Variants in LIPI observed in about 807,000 individuals in gnomAD.
LIPI encodes the protein lipase I.
Under a neutral mutation model 50.6 loss-of-function variants are expected in LIPI, and 59 were observed. The observed-to-expected ratio is 1.16, with a 90% CI of 0.94 to 1.45. The LOEUF is 1.45. LIPI is among the 40% of genes most tolerant of loss of function. The pLI, the probability that LIPI is intolerant of heterozygous loss-of-function variation, is 0.00. For synonymous variants in LIPI, 203 were observed against 178.2 expected (o/e 1.14, Z -1.11); for missense variants, 586 against 536.3 (o/e 1.09, Z -0.92).
At chr21:14,195,583 G>A (rs1180220956) in intron 1 of LIPI, among the ~76,000 whole-genome samples, 1 of 152,070 alleles carries the variant, frequency 6.6e-6, no homozygotes, top group African/African-American at 2.4e-5. Context: ...TAACAATCTT[G>A]GCATAGGCAA....
intron 4 of LIPI, among the ~76,000 whole-genome samples, chr21:14,176,482 A>G (rs974590391): frequency 4.6e-5 from 7 of 151,954 alleles, no homozygotes; most frequent in Non-Finnish European, 4.4e-5. Context: ...AAAAGGTTTA[A>G]TATGCAATAA....
At chr21:14,152,526 A>G in intron 8 of LIPI, 47 bp downstream of exon 8, 1 of 930,426 alleles carries the variant, frequency 1.1e-6, no homozygotes, top group East Asian at 2.5e-5. Flanking sequence ...TACTGAAGAA[A>G]GCAAACATTG....
rs145123691 is a variant in LIPI, at chr21:14,187,664, TGGA to T, written c.432+1367_432+1369del. ...AATGATGTAATTAATAGTCTGTTGG[TGGA>T]GATGGTTGAATCAATTACCTCCTCT... On this transcript the variant is annotated intron_variant, in intron 2 of 9. Coordinates refer to ENST00000681601, the MANE Select transcript of LIPI (RefSeq NM_001302998.2). Among the ~76,000 whole-genome samples, 697 of 152,266 alleles carry T rather than the reference TGGA, an allele frequency of 4.6e-3. 8 individuals carry two copies. Among genetic ancestry groups the T allele is most frequent in the African/African-American group, 0.013 (533 of 41,554 alleles).
At chr21:14,167,850 A>G (rs1164418365) in intron 4 of LIPI, among the ~76,000 whole-genome samples, 3 of 152,242 alleles carry the variant, frequency 2.0e-5, no homozygotes, top group African/African-American at 4.8e-5. Context: ...CAACAATGGA[A>G]CAAAGCTGGC....
intron 1 of LIPI, among the ~76,000 whole-genome samples, chr21:14,208,511 G>T (rs1319075173): frequency 1.3e-5 from 2 of 152,150 alleles, no homozygotes; most frequent in Non-Finnish European, 2.9e-5. Flanking sequence ...GGCAAGCTAA[G>T]AATGTTTTTT....
chr21:14,118,913 T>C lies in LIPI; in HGVS notation c.1296-9833A>G, dbSNP rs541666171. 2.1e-3 allele frequency among the ~76,000 whole-genome samples: 327 copies of C among 152,276 alleles called. 1 individual carries two copies. Among genetic ancestry groups the C allele is most frequent in the Non-Finnish European group, 3.0e-3 (201 of 68,032 alleles). On this transcript the variant is annotated intron_variant, in intron 9 of 9. Transcript: ENST00000681601. ...TGTCTCCTCATGGAATGCTCCCCTA[T>C]TGCTGGTGTTAAAACTTTCTGGTGA... is the stretch of plus-strand genomic sequence containing the variant.
chr21:14,136,503 G>C (rs772957277), intron 9 of LIPI, among the ~76,000 whole-genome samples: 2 of 152,196 alleles, frequency 1.3e-5, no homozygotes, highest in Admixed American at 1.3e-4. Context: ...GGAGGGAAGA[G>C]GGGGAATGAC....
intron 1 of LIPI, among the ~76,000 whole-genome samples, chr21:14,196,581 C>G (rs1318727704): frequency 6.6e-6 from 1 of 152,100 alleles, no homozygotes; most frequent in African/African-American, 2.4e-5. Context: ...AATCCCAGAA[C>G]TCTGGGAGGC....
intron 4 of LIPI, among the ~76,000 whole-genome samples, chr21:14,175,916 A>C (rs1240350120): frequency 2.6e-5 from 4 of 152,074 alleles, no homozygotes; most frequent in Non-Finnish European, 4.4e-5. Flanking sequence ...CGGTGGCTCA[A>C]GTCTGTAATC....
chr21:14,177,020 G>A (rs1315089659), intron 4 of LIPI, among the ~76,000 whole-genome samples: 1 of 151,946 alleles, frequency 6.6e-6, no homozygotes, highest in Non-Finnish European at 1.5e-5. Flanking sequence ...CAGGTGTAAT[G>A]TTCTATAAAT....
At position 14,108,970 on chromosome 21, in the gene LIPI, T is replaced by A; in HGVS notation, c.*23A>T. On this transcript the variant is annotated 3_prime_UTR_variant, in exon 10 of 10. Transcript: ENST00000681601. Reference sequence around the variant, plus strand: ...ACAAGTCCATTAATTCACAAGCAAGTGCATTTGATGGAAGAAGGCATCTTA... The same window carrying A: ...ACAAGTCCATTAATTCACAAGCAAGAGCATTTGATGGAAGAAGGCATCTTA... 2 of 1,610,972 alleles carry A rather than the reference T, an allele frequency of 1.2e-6. No individual in the cohort carries two copies. The highest frequency in any genetic ancestry group is 1.7e-6 in the Non-Finnish European group (2 of 1,177,656).
chr21:14,193,454 G>A (rs2019744696), intron 1 of LIPI, among the ~76,000 whole-genome samples: 1 of 151,892 alleles, frequency 6.6e-6, no homozygotes, highest in Non-Finnish European at 1.5e-5. Flanking sequence ...AAAACATATT[G>A]GCAGAATGAA....
intron 1 of LIPI, among the ~76,000 whole-genome samples, chr21:14,204,215 A>C (rs434247): frequency 0.14 from 21,629 of 151,976 alleles, 1,967 homozygotes; most frequent in South Asian, 0.21. Context: ...ATAATCAATT[A>C]CTATTTTTTG....
intron 3 of LIPI, among the ~76,000 whole-genome samples, chr21:14,182,498 T>C (rs2019307996): frequency 1.3e-5 from 2 of 152,192 alleles, no homozygotes; most frequent in Non-Finnish European, 2.9e-5. Flanking sequence ...ATTCAGTTTT[T>C]TGAGAACATC....
In LIPI at chr21:14,165,072, C is replaced by T; in HGVS notation, c.901+151G>A. On this transcript the variant is annotated intron_variant, in intron 6 of 9. Transcript: ENST00000681601. ...TTTAGTAGGGAATGAAATATTTACT[C>T]TGTACCACATCTCTACAGATGATTT... The T allele has an allele frequency of 6.4e-6, 4 of 620,962 alleles. No individual in the cohort carries two copies. The South Asian group carries it at 7.8e-5, about 12-fold the overall frequency. 38.5% of individuals were successfully genotyped at this position (620,962 alleles called of 1,614,324 possible). A position where few individuals can be genotyped will look rare whatever the true frequency, so the allele number is the denominator to read the frequency against.
At chr21:14,183,398 T>C (rs976465280) in intron 3 of LIPI, among the ~76,000 whole-genome samples, 1 of 152,220 alleles carries the variant, frequency 6.6e-6, no homozygotes, top group Admixed American at 6.5e-5. Context: ...GCAATACCAT[T>C]CAGGACATAG....
chr21:14,172,389 A>G (rs896152485), intron 4 of LIPI, among the ~76,000 whole-genome samples: 1 of 152,244 alleles, frequency 6.6e-6, no homozygotes, highest in African/African-American at 2.4e-5. Context: ...AGGACTATAA[A>G]TCATGCTGCT....
intron 1 of LIPI, among the ~76,000 whole-genome samples, chr21:14,208,916 TG>T (rs1324591239): frequency 1.3e-5 from 2 of 152,072 alleles, no homozygotes; most frequent in African/African-American, 2.4e-5. Context: ...CCAGGCGTGG[TG>T]GTGTGTGCCT....
intron 9 of LIPI, among the ~76,000 whole-genome samples, chr21:14,142,104 C>A (rs2017731244): frequency 6.6e-6 from 1 of 152,078 alleles, no homozygotes; most frequent in Admixed American, 6.6e-5. Flanking sequence ...TAGTGGACTA[C>A]AAATATAATT....
Sources: gnomAD v4.1 joint callset for allele counts (sites outside exome capture counted in the v4.1 genomes callset) on GRCh38, gnomAD v4.1.1 for gene constraint, MANE v1.5 for transcripts, NCBI Gene and HGNC (gene_info 2026-07-23, HGNC 2026-07-21) for gene names.